Variants in RBFOX1 observed in about 807,000 individuals in gnomAD.
RBFOX1 encodes RNA binding protein fox-1 homolog 1.
A neutral mutation model predicts 57.7 loss-of-function variants in RBFOX1; 8 were observed. The ratio of observed to expected loss-of-function variants is 0.14; its 90% CI spans 0.08 to 0.25. The LOEUF (loss-of-function observed/expected upper bound fraction) is 0.25, where lower values mean the gene tolerates loss of function less well. Ranked by LOEUF, RBFOX1 falls within the 10% of genes least tolerant of loss-of-function variation. The pLI is 1.00. For synonymous variants in RBFOX1, 326 were observed against 222.4 expected, an observed-to-expected ratio of 1.47 and a Z score of -4.15; for missense variants, 611 against 548.5, an observed-to-expected ratio of 1.11 and a Z score of -1.14.
At chr16:6,182,126 C>T (rs770889086) in intron 1 of RBFOX1, among the ~76,000 whole-genome samples, 36 of 152,140 alleles carry the variant, frequency 2.4e-4, no homozygotes, top group Admixed American at 6.5e-4. Context: ...ATTCTGTTTG[C>T]CACTCATTCT....
chr16:7,360,130 A>G (rs905926771), intron 4 of RBFOX1, among the ~76,000 whole-genome samples: 5 of 152,242 alleles, frequency 3.3e-5, no homozygotes, highest in Admixed American at 6.5e-5. Context: ...AGACAGATGG[A>G]TGGAACTTTA....
intron 3 of RBFOX1, among the ~76,000 whole-genome samples, chr16:6,817,794 CA>C (rs1320658951): frequency 2.6e-5 from 4 of 152,100 alleles, no homozygotes; most frequent in Non-Finnish European, 5.9e-5. Context: ...AAGTTTCTGA[CA>C]AAAACCTTAT....
chr16:7,272,206 AAG>A (rs2095335400), intron 4 of RBFOX1, among the ~76,000 whole-genome samples: 1 of 151,986 alleles, frequency 6.6e-6, no homozygotes, highest in African/African-American at 2.4e-5. Flanking sequence ...TTTTTTGAGA[AAG>A]AGTCTCGCTC....
chr16:7,672,951 TAG>T (rs2072040291), intron 13 of RBFOX1, among the ~76,000 whole-genome samples: 1 of 150,644 alleles, frequency 6.6e-6, no homozygotes, highest in Non-Finnish European at 1.5e-5. Context: ...AAGTATTATA[TAG>T]TAAATAAGAT....
chr16:6,656,525 C>T (rs1408781400), intron 3 of RBFOX1, among the ~76,000 whole-genome samples: 1 of 151,518 alleles, frequency 6.6e-6, no homozygotes, highest in Non-Finnish European at 1.5e-5. Context: ...TGTGATGCAT[C>T]TTGGTGGGAA....
At chr16:7,253,667 TCTC>T (rs1290476594) in intron 4 of RBFOX1, among the ~76,000 whole-genome samples, 1 of 152,116 alleles carries the variant, frequency 6.6e-6, no homozygotes, top group Non-Finnish European at 1.5e-5. Flanking sequence ...TGACATCACT[TCTC>T]CTTACCCTAC....
At chr16:6,963,367 AT>A (rs757991084) in intron 3 of RBFOX1, among the ~76,000 whole-genome samples, 39 of 151,980 alleles carry the variant, frequency 2.6e-4, no homozygotes, top group Non-Finnish European at 5.1e-4. Flanking sequence ...TCGAACCTCT[AT>A]TTTTAGAATT....
chr16:6,816,946 C>A (rs187847628), intron 3 of RBFOX1, among the ~76,000 whole-genome samples: 6 of 152,112 alleles, frequency 3.9e-5, no homozygotes, highest in Non-Finnish European at 7.4e-5. Flanking sequence ...GGGGTCTTAA[C>A]TGAGTTGCCC....
chr16:6,729,016 C>G (rs1432291910), intron 3 of RBFOX1, among the ~76,000 whole-genome samples: 1 of 152,098 alleles, frequency 6.6e-6, no homozygotes, highest in Non-Finnish European at 1.5e-5. Flanking sequence ...GTCAACAAAT[C>G]ATACGGGGAT....
In RBFOX1 at chr16:5,709,788, C is replaced by T. The variant is rs2051384327; in HGVS notation, c.318+110827C>T. ...CCATTTATGAAGCCACTGTAATCTA[C>T]TGGGTGTTGTATCAGTTTCTTTATA... On this transcript the variant is annotated intron_variant, in intron 3 of 19. Transcript: ENST00000641259. Among the ~76,000 whole-genome samples, 4 of 96,874 alleles carry T rather than the reference C, an allele frequency of 4.1e-5. 1 individual carries two copies. Among genetic ancestry groups the T allele is most frequent in the South Asian group, 3.3e-4 (1 of 3,072 alleles). The allele number at this position is 96,874 out of a possible 152,430, so 63.6% of individuals were successfully genotyped here.
intron 3 of RBFOX1, among the ~76,000 whole-genome samples, chr16:5,786,534 C>T (rs551614853): frequency 1.8e-4 from 28 of 152,266 alleles, no homozygotes; most frequent in African/African-American, 6.5e-4. Context: ...CGAGAGGGTT[C>T]TGCACTACCC....
At chr16:6,633,884 G>T (rs560912010) in intron 2 of RBFOX1, among the ~76,000 whole-genome samples, 2 of 152,242 alleles carry the variant, frequency 1.3e-5, no homozygotes, top group Admixed American at 6.5e-5. Flanking sequence ...GGTGGTGCAT[G>T]CCTGTAGTCC....
At chr16:7,484,361 C>T (rs771956653) in intron 4 of RBFOX1, among the ~76,000 whole-genome samples, 6 of 152,146 alleles carry the variant, frequency 3.9e-5, no homozygotes, top group African/African-American at 1.4e-4. Flanking sequence ...AGTAGAAATG[C>T]TGGGAGACAT....
At chr16:6,445,309 T>C (rs1227561025) in intron 2 of RBFOX1, among the ~76,000 whole-genome samples, 1 of 152,144 alleles carries the variant, frequency 6.6e-6, no homozygotes, top group Non-Finnish European at 1.5e-5. Flanking sequence ...TACATATGTA[T>C]ACATGTGCCA....
chr16:6,546,125 C>G (rs920080458), intron 2 of RBFOX1, among the ~76,000 whole-genome samples: 1 of 152,166 alleles, frequency 6.6e-6, no homozygotes, highest in East Asian at 1.9e-4. Context: ...AGGCTACATT[C>G]AAAGGCATCT....
At chr16:7,086,047 G>A (rs1199690510) in intron 4 of RBFOX1, among the ~76,000 whole-genome samples, 1 of 152,110 alleles carries the variant, frequency 6.6e-6, no homozygotes. Context: ...CAGCTCTGAG[G>A]CTGTCTCCAT....
At chr16:6,219,617 G>A (rs755878070) in intron 1 of RBFOX1, among the ~76,000 whole-genome samples, 30 of 152,128 alleles carry the variant, frequency 2.0e-4, no homozygotes, top group Admixed American at 1.0e-3. Context: ...GCTCATGCTT[G>A]TAATCCCAGC....
chr16:6,922,115 G>A (rs1301196697), intron 3 of RBFOX1, among the ~76,000 whole-genome samples: 2 of 152,120 alleles, frequency 1.3e-5, no homozygotes, highest in East Asian at 1.9e-4. Context: ...CTTCACACAG[G>A]CTGTTCCCTG....
chr16:6,971,517 T>A lies in RBFOX1; in HGVS notation c.-15-80540T>A, dbSNP rs944552867. ...GAGAGAGAGAGAGAGTTGGTGTGTG[T>A]GTGTGTGTGTACCACTGGAGAATTT... On this transcript the variant is annotated intron_variant, in intron 3 of 15. Transcript: ENST00000550418. 1.3e-4 allele frequency among the ~76,000 whole-genome samples: 20 copies of A among 151,864 alleles called. No individual in the cohort carries two copies. The East Asian group carries it at 3.7e-3, about 28-fold the overall frequency.
Sources: allele counts gnomAD v4.1 joint callset (sites outside exome capture counted in the v4.1 genomes callset), GRCh38; gene constraint gnomAD v4.1.1; transcripts MANE v1.5; gene names NCBI Gene and HGNC (gene_info 2026-07-23, HGNC 2026-07-21).